Variants in KMT2A observed in about 807,000 individuals in gnomAD.
The protein encoded by KMT2A is histone-lysine N-methyltransferase 2A.
A neutral mutation model predicts 345.3 loss-of-function variants in KMT2A; 16 were observed. The ratio of observed to expected loss-of-function variants is 0.05; its 90% CI spans 0.03 to 0.07. KMT2A has a LOEUF of 0.07. KMT2A is among the 10% of genes least tolerant of loss of function. The pLI, the probability that KMT2A is intolerant of heterozygous loss-of-function variation, is 1.00. For missense variants in KMT2A, 3,272 were observed against 4,841.6 expected (o/e 0.68, Z 9.62); for synonymous variants, 1,599 against 1,778.6 (o/e 0.90, Z 2.54).
At chr11:118,451,056 A>G (rs923141658) in intron 1 of KMT2A, among the ~76,000 whole-genome samples, 1 of 152,236 alleles carries the variant, frequency 6.6e-6, no homozygotes, top group Non-Finnish European at 1.5e-5. Flanking sequence ...AAAAATGGCT[A>G]TCATAAATAT....
rs190518681 is a variant in KMT2A, at chr11:118,476,381, G to A, written c.3157-424G>A. On this transcript the variant is annotated intron_variant, in intron 3 of 35. Transcript: ENST00000534358. The surrounding 1 kb of genome is among the most constrained non-coding windows in gnomAD (Gnocchi z 4.1). ...TATAATTGGGAATAGAAGCTTAGTT[G>A]TTTGTTTGTTTTTAAGATAGGGTCT... 5.3e-5 allele frequency among the ~76,000 whole-genome samples: 8 copies of A among 152,228 alleles called. No homozygotes were observed. Among genetic ancestry groups the A allele is most frequent in the Admixed American group, 2.6e-4 (4 of 15,288 alleles).
In KMT2A at chr11:118,523,073, A is replaced by T. The variant is rs1417489022; in HGVS notation, c.*901A>T. The T allele has an allele frequency of 4.5e-6, 1 of 219,830 alleles. No homozygotes were observed. The allele number at this position is 219,830 out of a possible 1,614,324, so 13.6% of individuals were successfully genotyped here. A position where few individuals can be genotyped will look rare whatever the true frequency, so the allele number is the denominator to read the frequency against. On this transcript the variant is annotated 3_prime_UTR_variant, in exon 36 of 36. Transcript: ENST00000534358. Reference sequence around the variant, plus strand: ...GACAGGAGCCATTGGTCATAACCAGACAGAATTTGGAAACATTTTCATAAA... The same window carrying T: ...GACAGGAGCCATTGGTCATAACCAGTCAGAATTTGGAAACATTTTCATAAA...
In KMT2A at chr11:118,520,348, A is replaced by G. The variant is rs2135286980; in HGVS notation, c.11429+284A>G. The G allele has an allele frequency of 4.9e-6, 2 of 404,550 alleles. No individual in the cohort carries two copies. The highest frequency in any genetic ancestry group is 4.4e-6 in the Non-Finnish European group (1 of 226,306). The allele number at this position is 404,550 out of a possible 1,614,324, so 25.1% of individuals were successfully genotyped here. On this transcript the variant is annotated intron_variant, in intron 33 of 35. Transcript: ENST00000534358. The surrounding 1 kb of genome is among the most constrained non-coding windows in gnomAD (Gnocchi z 4.3). The stretch of plus-strand genomic sequence containing the variant: ...AGTTGTCATGGTCAGAAAGTACTAT[A>G]TATACTAAAAATGGGACTCATTGGC...
At chr11:118,463,618 T>C (rs1949787461) in intron 1 of KMT2A, among the ~76,000 whole-genome samples, 1 of 152,238 alleles carries the variant, frequency 6.6e-6, no homozygotes, top group South Asian at 2.1e-4. Flanking sequence ...GTATCTATTA[T>C]GGTAGGAAAA....
At chr11:118,514,493 T>G (rs1555051033) in intron 31 of KMT2A, among the ~76,000 whole-genome samples, 1 of 151,552 alleles carries the variant, frequency 6.6e-6, no homozygotes, top group Non-Finnish European at 1.5e-5. Context: ...CAGGCTGGAG[T>G]GCAGTGGCGT....
At chr11:118,457,422 A>T (rs888491545) in intron 1 of KMT2A, among the ~76,000 whole-genome samples, 45 of 151,242 alleles carry the variant, frequency 3.0e-4, no homozygotes, top group African/African-American at 9.7e-4. Context: ...GCCCACCACC[A>T]CGCCTGGCTA....
rs141004205 is a variant in KMT2A, at chr11:118,472,416, G to A, written c.1257G>A (p.Ser419=). 1.2e-5 allele frequency: 19 copies of A among 1,613,796 alleles called. No homozygotes were observed. The Middle Eastern group carries it at 4.9e-4, about 42-fold the overall frequency. The change falls in exon 3 of 36, where the codon TCG becomes TCA. Residue 419 remains serine (S), a synonymous_variant. Transcript: ENST00000534358. ...FIMPVVSAIS[S]RIIKTPRRFI... is the part of the protein sequence containing the mutation. The stretch of plus-strand genomic sequence containing the variant: ...TGCCTGTTGTCAGTGCTATCTCCTC[G>A]CGGATCATTAAGACCCCTCGGCGGT...
chr11:118,526,569 C>T lies in KMT2A; in HGVS notation c.*4397C>T. On this transcript the variant is annotated 3_prime_UTR_variant, in exon 36 of 36. Coordinates refer to ENST00000534358, the MANE Select transcript of KMT2A (RefSeq NM_001197104.2). ...TTTTTCCTTGTGTTCTTCCAAGCTT[C>T]TGGTTAGAGAAAAAGAGAAAAAAAA... 4.4e-6 allele frequency: 1 copy of T among 227,430 alleles called. No individual in the cohort carries two copies. Among genetic ancestry groups the T allele is most frequent in the Non-Finnish European group, 8.6e-6 (1 of 116,050 alleles). The allele number at this position is 227,430 out of a possible 1,614,324, so 14.1% of individuals were successfully genotyped here. A position where few individuals can be genotyped will look rare whatever the true frequency, so the allele number is the denominator to read the frequency against.
In KMT2A at chr11:118,525,610, TAAAA is replaced by T. The variant is rs1244487041; in HGVS notation, c.*3445_*3448del. The T allele has an allele frequency of 5.6e-6, 1 of 178,710 alleles. No homozygotes were observed. The highest frequency in any genetic ancestry group is 1.1e-5 in the Non-Finnish European group (1 of 91,930). The allele number at this position is 178,710 out of a possible 1,614,324, so 11.1% of individuals were successfully genotyped here. ...CCCTTGATTTAAAAAAAATAAAAAA[TAAAA>T]AAAAAAGGAAAAAAAAATACAACAC... On this transcript the variant is annotated 3_prime_UTR_variant, in exon 36 of 36. Transcript: ENST00000534358.
Position 118,484,457 on chromosome 11 carries a change from G to T in KMT2A, c.4218+143G>T, listed in dbSNP as rs1344443507. The T allele has an allele frequency of 1.3e-6, 1 of 793,482 alleles. No individual in the cohort carries two copies. The highest frequency in any genetic ancestry group is 2.0e-6 in the Non-Finnish European group (1 of 506,046). 49.2% of individuals were successfully genotyped at this position (793,482 alleles called of 1,614,324 possible). On this transcript the variant is annotated intron_variant, in intron 9 of 35. Coordinates refer to ENST00000534358, the MANE Select transcript of KMT2A (RefSeq NM_001197104.2). This position sits in a 1 kb window ranked among gnomAD's most constrained non-coding sequence, Gnocchi z 4.1. ...ACTCCCATTAGCAGGTGGGTTTAGC[G>T]CTGGGAGAGCTTTGGTCAGTGTTGT...
Position 118,507,579 on chromosome 11 carries a change from C to G in KMT2A, c.10805C>G (p.Ser3602Cys), listed in dbSNP as rs1950606826. ...EQQDTASVEQ[S>C]SQKECGQPAG... ...CAGGATACAGCTAGCGTGGAGCAGT[C>G]CTCCCAGAAGGAGTGTGGGCAACCT... The change falls in exon 28 of 36, where the codon TCC becomes TGC. Residue 3602 changes from serine (S) to cysteine (C), a missense_variant. Physicochemically the swap from Ser to Cys is moderately radical, Grantham distance 112. Around this residue, in one of 27 missense-constraint regions of KMT2A, gnomAD observed 748 missense variants for 922.2 expected, o/e 0.81. Transcript: ENST00000534358. 1.9e-6 allele frequency: 3 copies of G among 1,614,118 alleles called. No individual in the cohort carries two copies. Among genetic ancestry groups the G allele is most frequent in the Non-Finnish European group, 2.5e-6 (3 of 1,179,966 alleles).
intron 28 of KMT2A, 120 bp from the exon 29 acceptor site, chr11:118,509,016 C>T: frequency 1.4e-6 from 1 of 726,370 alleles, no homozygotes; most frequent in South Asian, 1.7e-5. Context: ...TACAGAAAGC[C>T]CCCTGTGGCT....
In KMT2A at chr11:118,481,567, T is replaced by C. The variant is rs926886299; in HGVS notation, c.3635-148T>C. 4 of 778,440 alleles carry C rather than the reference T, an allele frequency of 5.1e-6. No individual in the cohort carries two copies. In the East Asian group the frequency reaches 1.1e-4, roughly 21 times the overall value. The allele number at this position is 778,440 out of a possible 1,614,324, so 48.2% of individuals were successfully genotyped here. ...AATAGTGCTGCAGGAAACATGAGAG[T>C]GCAGATATCTCTTTGATATACTGAT... On this transcript the variant is annotated intron_variant, in intron 6 of 35. Transcript: ENST00000534358.
At position 118,499,848 on chromosome 11, in the gene KMT2A, C is replaced by T. The variant is rs782804513; in HGVS notation, c.6093C>T (p.Ile2031=). 5 of 1,610,656 alleles carry T rather than the reference C, an allele frequency of 3.1e-6. No individual in the cohort carries two copies. The highest frequency in any genetic ancestry group is 1.7e-5 in the Admixed American group (1 of 59,992). ...TTCCTTGGTCAGGGTCTATGACAAT[C>T]GACTGCTTAGGAATTCTAAATGATC... ...NIHMMIGSMT[I]DCLGILNDLS... Residue 2031 remains isoleucine (I), a synonymous_variant, in exon 24 of 36, where the codon ATC becomes ATT. Transcript: ENST00000534358.
intron 31 of KMT2A, 119 bp from the exon 32 acceptor site, chr11:118,519,499 C>T: frequency 9.9e-6 from 8 of 812,132 alleles, no homozygotes; most frequent in Non-Finnish European, 1.6e-5. Context: ...CTAATATGTA[C>T]TATAATTCAC....
At chr11:118,485,624 T>C (rs564439338) in intron 10 of KMT2A, among the ~76,000 whole-genome samples, 1 of 152,308 alleles carries the variant, frequency 6.6e-6, no homozygotes, top group South Asian at 2.1e-4. Flanking sequence ...TTAAAATAGG[T>C]ATATCCTCTA....
chr11:118,495,586 T>A lies in KMT2A; in HGVS notation c.5364-114T>A. On this transcript the variant is annotated intron_variant, in intron 18 of 35. Transcript: ENST00000534358. This position sits in a 1 kb window ranked among gnomAD's most constrained non-coding sequence, Gnocchi z 4.1. ...TTTCAAACGCTGTGACTTGTTCTTA[T>A]ATTCTGTGAATGGCTCCTACATGGG... 1 of 703,286 alleles carries A rather than the reference T, an allele frequency of 1.4e-6. No individual in the cohort carries two copies. Among genetic ancestry groups the A allele is most frequent in the Non-Finnish European group, 2.2e-6 (1 of 446,764 alleles). The allele number at this position is 703,286 out of a possible 1,614,324, so 43.6% of individuals were successfully genotyped here.
rs1950200619 is a variant in KMT2A at position 118,484,747 on chromosome 11, A to G, written c.4219-115A>G. 9.5e-6 allele frequency: 7 copies of G among 733,546 alleles called. No homozygotes were observed. In the South Asian group the frequency reaches 9.7e-5, roughly 10 times the overall value. 45.4% of individuals were successfully genotyped at this position (733,546 alleles called of 1,614,324 possible). ...GCAGCAGTTATTTTTGGACTCATTGAAATGAAATACTCTGACATTGTGATG... is the reference window on the plus strand; with the variant it reads ...GCAGCAGTTATTTTTGGACTCATTGGAATGAAATACTCTGACATTGTGATG... On this transcript the variant is annotated intron_variant, in intron 9 of 35. Coordinates refer to ENST00000534358, the MANE Select transcript of KMT2A (RefSeq NM_001197104.2). The surrounding 1 kb of genome is among the most constrained non-coding windows in gnomAD (Gnocchi z 4.1).
intron 30 of KMT2A, among the ~76,000 whole-genome samples, chr11:118,511,688 A>G (rs1268896128): frequency 1.3e-5 from 2 of 152,226 alleles, no homozygotes; most frequent in African/African-American, 4.8e-5. Flanking sequence ...TTGGGGATTC[A>G]GAGTTCATTT....
Sources: gnomAD v4.1 joint callset for allele counts (sites outside exome capture counted in the v4.1 genomes callset) on GRCh38, gnomAD v4.1.1 for gene constraint, gnomAD v4.1.1 regional missense constraint, Gnocchi (gnomAD v3.1) non-coding constraint, MANE v1.5 for transcripts, NCBI Gene and HGNC (gene_info 2026-07-23, HGNC 2026-07-21) for gene names.